Variants in SLC11A2 observed in about 807,000 individuals in gnomAD.
SLC11A2 encodes natural resistance-associated macrophage protein 2.
In SLC11A2, 38 loss-of-function variants were observed where a neutral mutation model predicts 68.0. The observed-to-expected ratio is 0.56, with a 90% CI of 0.43 to 0.73. The LOEUF (loss-of-function observed/expected upper bound fraction) is 0.73, where lower values mean the gene tolerates loss of function less well. Ranked by LOEUF, SLC11A2 falls within the 30% of genes least tolerant of loss-of-function variation. SLC11A2 has a pLI of 0.00. For synonymous variants in SLC11A2, 242 were observed against 250.6 expected (o/e 0.97, Z 0.32); for missense variants, 517 against 690.5 (o/e 0.75, Z 2.82).
At chr12:50,982,674 T>C (rs546078668), downstream of SLC11A2, among the ~76,000 whole-genome samples, 1 of 152,040 alleles carries the variant, frequency 6.6e-6, no homozygotes, top group African/African-American at 2.4e-5. Flanking sequence ...CTGGGCACGG[T>C]GTCTCATGCC....
At chr12:50,990,294 A>G (rs1332551716) in intron 15 of SLC11A2, among the ~76,000 whole-genome samples, 1 of 152,130 alleles carries the variant, frequency 6.6e-6, no homozygotes, top group Non-Finnish European at 1.5e-5. Flanking sequence ...CGAATCTCTA[A>G]ATCACACTGC....
At chr12:50,975,959 G>A (rs917517744), downstream of SLC11A2, among the ~76,000 whole-genome samples, 1 of 152,102 alleles carries the variant, frequency 6.6e-6, no homozygotes, top group Non-Finnish European at 1.5e-5. Context: ...TTGAATCTCT[G>A]AATAGACCAA....
At chr12:51,015,458 G>C (rs1330409611) in intron 1 of SLC11A2, among the ~76,000 whole-genome samples, 3 of 150,026 alleles carry the variant, frequency 2.0e-5, no homozygotes, top group Non-Finnish European at 4.4e-5. Flanking sequence ...CTGGGCAACA[G>C]AGCAAGACTC....
Position 50,986,150 on chromosome 12 carries a change from A to G in SLC11A2, c.*2175T>C. 3.9e-6 allele frequency: 5 copies of G among 1,286,124 alleles called. No individual in the cohort carries two copies. The highest frequency in any genetic ancestry group is 5.1e-6 in the Non-Finnish European group (5 of 987,782). 79.7% of individuals were successfully genotyped at this position (1,286,124 alleles called of 1,614,324 possible). A position where few individuals can be genotyped will look rare whatever the true frequency, so the allele number is the denominator to read the frequency against. ...CTGTTAATTTCCAGTATAATGTAGCAGCACAATTATTTCATGTCACATTTA... is the reference window on the plus strand; with the variant it reads ...CTGTTAATTTCCAGTATAATGTAGCGGCACAATTATTTCATGTCACATTTA... On this transcript the variant is annotated 3_prime_UTR_variant, in exon 16 of 16. Coordinates refer to ENST00000262052, the MANE Select transcript of SLC11A2 (RefSeq NM_000617.3).
At chr12:50,966,304 G>A in the SLC11A2 span, among the ~76,000 whole-genome samples, 1 of 152,146 alleles carries the variant, frequency 6.6e-6, no homozygotes, top group South Asian at 2.1e-4. Context: ...CTTAGTTTAG[G>A]GAGTGGGTAA....
At chr12:50,978,140 G>A (rs1227763750), downstream of SLC11A2, among the ~76,000 whole-genome samples, 1 of 151,944 alleles carries the variant, frequency 6.6e-6, no homozygotes, top group Non-Finnish European at 1.5e-5. Flanking sequence ...TCCCATTACT[G>A]GGTATATACT....
the SLC11A2 span, chr12:50,953,849 A>C: frequency 1.8e-6 from 1 of 554,002 alleles, no homozygotes; most frequent in Non-Finnish European, 3.2e-6. Context: ...GTGTGAAGGA[A>C]AGACAATTGT....
intron 1 of SLC11A2, among the ~76,000 whole-genome samples, chr12:51,019,492 C>T (rs1943889625): frequency 6.6e-6 from 1 of 152,078 alleles, no homozygotes; most frequent in Admixed American, 6.6e-5. Context: ...GCAGCTCAAA[C>T]AGAGCTAATT....
At chr12:50,958,282 CT>C in the SLC11A2 span, among the ~76,000 whole-genome samples, 2,358 of 133,840 alleles carry the variant, frequency 0.018, 41 homozygotes, top group African/African-American at 0.05. Flanking sequence ...CTAAAATAAT[CT>C]TTTTTTTTTT....
downstream of SLC11A2, among the ~76,000 whole-genome samples, chr12:50,982,675 G>A (rs1940142756): frequency 6.6e-6 from 1 of 152,126 alleles, no homozygotes; most frequent in African/African-American, 2.4e-5. Context: ...TGGGCACGGT[G>A]TCTCATGCCT....
chr12:50,986,721 T>C lies in SLC11A2; in HGVS notation c.*1604A>G. 1 of 1,287,112 alleles carries C rather than the reference T, an allele frequency of 7.8e-7. No homozygotes were observed. Among genetic ancestry groups the C allele is most frequent in the Non-Finnish European group, 1.0e-6 (1 of 988,650 alleles). 79.7% of individuals were successfully genotyped at this position (1,287,112 alleles called of 1,614,324 possible). ...AGAGGCAGATATGAAGAGGAATGGT[T>C]AGGGGAATTGTCATTCATAACTCTG... On this transcript the variant is annotated 3_prime_UTR_variant, in exon 16 of 16. Transcript: ENST00000262052.
At chr12:51,009,408 CT>C in intron 2 of SLC11A2, 1 of 741,670 alleles carries the variant, frequency 1.3e-6, no homozygotes, top group African/African-American at 1.8e-5. Flanking sequence ...AAGGGATACC[CT>C]GCCAGAAATA....
intron 1 of SLC11A2, among the ~76,000 whole-genome samples, chr12:51,025,151 T>TA (rs1944294669): frequency 6.6e-6 from 1 of 152,178 alleles, no homozygotes; most frequent in African/African-American, 2.4e-5. Context: ...AGATCAAAGT[T>TA]AATGATGTCA....
chr12:50,973,272 G>A, the SLC11A2 span, among the ~76,000 whole-genome samples: 2 of 152,146 alleles, frequency 1.3e-5, no homozygotes, highest in Non-Finnish European at 2.9e-5. Flanking sequence ...TCACACGGCC[G>A]GGTATCCCTC....
intron 11 of SLC11A2, among the ~76,000 whole-genome samples, chr12:50,993,785 G>T (rs1361494170): frequency 6.6e-6 from 1 of 151,166 alleles, no homozygotes; most frequent in Non-Finnish European, 1.5e-5. Context: ...CCAAGATCAC[G>T]CCAGTGCACT....
Position 50,986,488 on chromosome 12 carries a change from C to G in SLC11A2, c.*1837G>C. On this transcript the variant is annotated 3_prime_UTR_variant, in exon 16 of 16. Coordinates refer to ENST00000262052, the MANE Select transcript of SLC11A2 (RefSeq NM_000617.3). ...AATACTAGCAGCTTTTACCTAGGCT[C>G]CTAAATGCTTGTAAATCTGAGACTG... is the stretch of plus-strand genomic sequence containing the variant. 7.8e-7 allele frequency: 1 copy of G among 1,285,686 alleles called. No homozygotes were observed. Among genetic ancestry groups the G allele is most frequent in the East Asian group, 5.5e-5 (1 of 18,026 alleles). 79.6% of individuals were successfully genotyped at this position (1,285,686 alleles called of 1,614,324 possible).
At chr12:50,969,348 A>G in the SLC11A2 span, among the ~76,000 whole-genome samples, 1 of 152,118 alleles carries the variant, frequency 6.6e-6, no homozygotes. Flanking sequence ...CATGCTCAAC[A>G]TATTTACTTA....
chr12:50,976,439 A>G (rs555699554), downstream of SLC11A2, among the ~76,000 whole-genome samples: 32 of 152,364 alleles, frequency 2.1e-4, no homozygotes, highest in African/African-American at 7.0e-4. Context: ...ACAAAATTCA[A>G]TAGCCCTTCA....
At chr12:51,010,583 T>G (rs970936198) in intron 2 of SLC11A2, 112 bp downstream of exon 2, 1 of 697,304 alleles carries the variant, frequency 1.4e-6, no homozygotes, top group African/African-American at 1.8e-5. Context: ...AATGGAGTTG[T>G]TAGAATAGAT....
Sources: allele counts gnomAD v4.1 joint callset (sites outside exome capture counted in the v4.1 genomes callset), GRCh38; gene constraint gnomAD v4.1.1; transcripts MANE v1.5; gene names NCBI Gene and HGNC (gene_info 2026-07-23, HGNC 2026-07-21).